SLC22A4: variants seen among roughly 807,000 people sequenced by gnomAD.
SLC22A4 encodes solute carrier family 22 member 4, also known as ET transporter.
In SLC22A4, 39 loss-of-function variants were observed where a neutral mutation model predicts 56.6. The ratio of observed to expected loss-of-function variants is 0.69; its 90% CI spans 0.53 to 0.90. The LOEUF is 0.90. Among genes scored for constraint, SLC22A4 ranks in the 40% least tolerant of loss-of-function variants. SLC22A4 has a pLI of 0.00. For synonymous variants in SLC22A4, 241 were observed against 281.4 expected (o/e 0.86, Z 1.44); for missense variants, 594 against 696.5 (o/e 0.85, Z 1.66).
At position 132,327,368 on chromosome 5, in the gene SLC22A4, A is replaced by G. The variant is rs1750717606; in HGVS notation, c.916A>G (p.Ile306Val). 1.9e-6 allele frequency: 3 copies of G among 1,612,790 alleles called. No individual in the cohort carries two copies. In the African/African-American group the frequency reaches 4.0e-5, roughly 22 times the overall value. The change falls in exon 5 of 10, where the codon ATA becomes GTA. Residue 306 changes from isoleucine (I) to valine (V), a missense_variant. Transcript: ENST00000200652. ...IIQKAAKMNN[I>V]AVPAVIFDSV... is the part of the protein sequence containing the mutation. ...CCAAAAAGCTGCAAAAATGAACAAC[A>G]TAGCTGTACCAGCAGTGATATTTGA...
At chr5:132,335,325 T>C (rs1283907072) in intron 7 of SLC22A4, among the ~76,000 whole-genome samples, 2 of 152,266 alleles carry the variant, frequency 1.3e-5, no homozygotes, top group Non-Finnish European at 2.9e-5. Flanking sequence ...AGTGGTTTTC[T>C]GGTCTGAATC....
chr5:132,334,956 A>G (rs1477359955), intron 7 of SLC22A4, 24 bp downstream of exon 7: 1 of 1,536,044 alleles, frequency 6.5e-7, no homozygotes, highest in Non-Finnish European at 9.0e-7. Flanking sequence ...CAAGATGAAC[A>G]GCTTACCAGA....
intron 6 of SLC22A4, among the ~76,000 whole-genome samples, chr5:132,334,082 T>A (rs1053647635): frequency 2.0e-5 from 3 of 152,192 alleles, no homozygotes; most frequent in Non-Finnish European, 4.4e-5. Flanking sequence ...GTGCTGGGAT[T>A]TCAGGCATGA....
chr5:132,295,212 A>C, intron 1 of SLC22A4: 1 of 727,114 alleles, frequency 1.4e-6, no homozygotes, highest in Non-Finnish European at 2.5e-6. Context: ...CTGTCCAATA[A>C]GGAGGTGATG....
intron 1 of SLC22A4, among the ~76,000 whole-genome samples, chr5:132,301,524 T>C (rs1749907150): frequency 6.6e-6 from 1 of 152,204 alleles, no homozygotes; most frequent in South Asian, 2.1e-4. Context: ...GCACTAGCCT[T>C]GTGCTTTCCT....
intron 1 of SLC22A4, among the ~76,000 whole-genome samples, chr5:132,305,364 A>AG (rs1334689723): frequency 6.6e-6 from 1 of 152,210 alleles, no homozygotes; most frequent in Non-Finnish European, 1.5e-5. Context: ...GGCAGAAAAA[A>AG]TGCTCAAAGA....
chr5:132,306,234 T>C (rs1455504161), intron 1 of SLC22A4, among the ~76,000 whole-genome samples: 2 of 151,364 alleles, frequency 1.3e-5, no homozygotes, highest in East Asian at 3.9e-4. Context: ...ACTATGTATA[T>C]ACCCCAAAGA....
In SLC22A4 at chr5:132,295,051, C is replaced by G. The variant is rs750929867; in HGVS notation, c.393+42C>G. On this transcript the variant is annotated intron_variant, in intron 1 of 9. Transcript: ENST00000200652. ...GACCGTTGACCCGGGAGTGCCTGAC[C>G]CTCCCTCTGCGTCAGCCCCCCTTGA... is the stretch of plus-strand genomic sequence containing the variant. 12 of 1,573,414 alleles carry G rather than the reference C, an allele frequency of 7.6e-6. No homozygotes were observed. In the East Asian group the frequency reaches 2.8e-4, roughly 37 times the overall value.
rs270607 is a variant in SLC22A4 at position 132,313,493 on chromosome 5, A to G, written c.498-121A>G. 580,496 of 875,446 alleles carry G rather than the reference A, an allele frequency of 0.66. 195,674 individuals carry two copies. The highest frequency in any genetic ancestry group is 0.76 in the African/African-American group (46,382 of 60,882). The allele number at this position is 875,446 out of a possible 1,614,324, so 54.2% of individuals were successfully genotyped here. On this transcript the variant is annotated intron_variant, in intron 2 of 9. Transcript: ENST00000200652. ...GGAGGAAGATGGGAGGATGTGACAG[A>G]GAAAAAAGTCTGCCAGAGCCCTGAA...
chr5:132,312,755 T>G (rs1389458601), intron 2 of SLC22A4, among the ~76,000 whole-genome samples: 1 of 152,164 alleles, frequency 6.6e-6, no homozygotes, highest in Non-Finnish European at 1.5e-5. Context: ...CTGACCCTCA[T>G]AGAGCTTACA....
intron 1 of SLC22A4, 51 bp from the exon 2 acceptor site, chr5:132,312,110 T>G: frequency 1.1e-5 from 12 of 1,090,958 alleles, no homozygotes; most frequent in Non-Finnish European, 1.7e-5. Flanking sequence ...GGGCTGGGGT[T>G]GAGGTCTGCC....
intron 1 of SLC22A4, 62 bp downstream of exon 1, chr5:132,295,071 C>A: frequency 6.5e-7 from 1 of 1,533,308 alleles, no homozygotes; most frequent in South Asian, 1.2e-5. Flanking sequence ...CGTCAGCCCC[C>A]CTTGAGACTC....
rs769668837 is a variant in SLC22A4, at chr5:132,294,715, C to T, written c.99C>T (p.Gly33=). 6.8e-6 allele frequency: 11 copies of T among 1,614,042 alleles called. No homozygotes were observed. In the East Asian group the frequency reaches 2.2e-4, roughly 33 times the overall value. ...FLLSASIIPN[G]FNGMSVVFLA... is the part of the protein sequence containing the mutation. ...TCAGCGCCAGCATCATCCCCAATGG[C>T]TTCAATGGTATGTCAGTCGTGTTCC... The change falls in exon 1 of 10, where the codon GGC becomes GGT. Residue 33 remains glycine (G), a synonymous_variant. Coordinates refer to ENST00000200652, the MANE Select transcript of SLC22A4 (RefSeq NM_003059.3). This position sits in a 1 kb window ranked among gnomAD's most constrained non-coding sequence, Gnocchi z 5.6.
chr5:132,328,897 GTA>G (rs61637695), intron 5 of SLC22A4, among the ~76,000 whole-genome samples: 90,609 of 141,870 alleles, frequency 0.64, 28,728 homozygotes, highest in African/African-American at 0.72. Flanking sequence ...ATATATGTGT[GTA>G]TGTGTATATA....
intron 3 of SLC22A4, 76 bp from the exon 4 acceptor site, chr5:132,322,108 A>G: frequency 1.5e-6 from 2 of 1,328,226 alleles, no homozygotes; most frequent in Non-Finnish European, 2.2e-6. Flanking sequence ...TTTGAACTCT[A>G]ACTGCCACAT....
chr5:132,339,064 T>A (rs1403912266), intron 8 of SLC22A4, among the ~76,000 whole-genome samples: 2 of 152,220 alleles, frequency 1.3e-5, no homozygotes, highest in Non-Finnish European at 2.9e-5. Context: ...TTTGGGGAAC[T>A]AATAAATGTC....
intron 1 of SLC22A4, among the ~76,000 whole-genome samples, chr5:132,308,697 C>T (rs774923150): frequency 2.7e-4 from 41 of 152,228 alleles, no homozygotes; most frequent in South Asian, 1.9e-3. Context: ...AGCTGAAGGC[C>T]ATGCGGCCCA....
At chr5:132,303,170 T>C (rs1247456802) in intron 1 of SLC22A4, among the ~76,000 whole-genome samples, 1 of 152,232 alleles carries the variant, frequency 6.6e-6, no homozygotes, top group Non-Finnish European at 1.5e-5. Context: ...GGAGAATAGA[T>C]GTTTTGCCAA....
chr5:132,335,573 A>T (rs996055442), intron 7 of SLC22A4, among the ~76,000 whole-genome samples: 1 of 152,248 alleles, frequency 6.6e-6, no homozygotes, highest in Non-Finnish European at 1.5e-5. Context: ...ACAAGTGGAC[A>T]AAGGTCACTG....
Sources: gnomAD v4.1 joint callset for allele counts (sites outside exome capture counted in the v4.1 genomes callset) on GRCh38, gnomAD v4.1.1 for gene constraint, Gnocchi (gnomAD v3.1) non-coding constraint, MANE v1.5 for transcripts, NCBI Gene and HGNC (gene_info 2026-07-23, HGNC 2026-07-21) for gene names.